Variants in PCDH15 observed in about 807,000 individuals in gnomAD.
PCDH15 encodes the protein protocadherin-15.
A neutral mutation model predicts 178.5 loss-of-function variants in PCDH15; 129 were observed. The ratio of observed to expected loss-of-function variants is 0.72; its 90% CI spans 0.63 to 0.84. PCDH15 has a LOEUF of 0.84. Among genes scored for constraint, PCDH15 ranks in the 40% least tolerant of loss-of-function variants. PCDH15 has a pLI of 0.00. For synonymous variants in PCDH15, 800 were observed against 732.0 expected, an observed-to-expected ratio of 1.09 and a Z score of -1.50; for missense variants, 2,230 against 2,099.9, an observed-to-expected ratio of 1.06 and a Z score of -1.21.
intron 26 of PCDH15, among the ~76,000 whole-genome samples, chr10:53,902,474 T>C (rs974521817): frequency 5.3e-5 from 8 of 152,138 alleles, no homozygotes; most frequent in African/African-American, 1.9e-4. Flanking sequence ...AAGTTAACCA[T>C]TGAAATGCTG....
At chr10:55,404,613 T>G (rs913826050) in intron 2 of PCDH15, among the ~76,000 whole-genome samples, 2 of 151,864 alleles carry the variant, frequency 1.3e-5, no homozygotes, top group Non-Finnish European at 2.9e-5. Flanking sequence ...TCAAAGAAGA[T>G]AGCTGGGGAT....
rs144094496 is a variant in PCDH15 at position 55,286,164 on chromosome 10, G to A, written c.-156+33435C>T. Among the ~76,000 whole-genome samples the A allele has an allele frequency of 7.6e-3, 1,141 of 151,010 alleles. 15 individuals carry two copies. Among genetic ancestry groups the A allele is most frequent in the African/African-American group, 0.026 (1,066 of 41,212 alleles). On this transcript the variant is annotated intron_variant, in intron 1 of 5. Coordinates refer to the PCDH15 transcript ENST00000458638. ...ATTATCCAAACTATAAAGAAAAATC[G>A]GCCTTTTAAAACTTCACTTGCAGGC... is the stretch of plus-strand genomic sequence containing the variant.
chr10:54,094,412 A>G (rs1335174201), intron 15 of PCDH15, among the ~76,000 whole-genome samples: 3 of 152,188 alleles, frequency 2.0e-5, no homozygotes, highest in Admixed American at 2.0e-4. Flanking sequence ...AGACTTACTG[A>G]AAATGTGAAA....
intron 25 of PCDH15, among the ~76,000 whole-genome samples, chr10:53,935,313 G>A (rs1240600958): frequency 6.6e-6 from 1 of 152,098 alleles, no homozygotes; most frequent in Admixed American, 6.5e-5. Context: ...ACTTGGGAAT[G>A]GGTTACTGAT....
intron 2 of PCDH15, among the ~76,000 whole-genome samples, chr10:55,055,382 A>G (rs1841271587): frequency 6.6e-6 from 1 of 152,210 alleles, no homozygotes; most frequent in South Asian, 2.1e-4. Flanking sequence ...ATTAGTCACT[A>G]GACAACTGAG....
At chr10:55,139,909 A>G (rs1838300789) in intron 2 of PCDH15, among the ~76,000 whole-genome samples, 1 of 151,962 alleles carries the variant, frequency 6.6e-6, no homozygotes, top group African/African-American at 2.4e-5. Flanking sequence ...AATCTAAGAC[A>G]TTGTGTCTAT....
chr10:54,994,666 G>T (rs1839591038), intron 2 of PCDH15, among the ~76,000 whole-genome samples: 1 of 152,098 alleles, frequency 6.6e-6, no homozygotes, highest in Non-Finnish European at 1.5e-5. Flanking sequence ...TAAACCAAGT[G>T]TATTTATAAA....
intron 13 of PCDH15, among the ~76,000 whole-genome samples, chr10:54,164,916 A>G (rs2133498627): frequency 6.6e-6 from 1 of 152,256 alleles, no homozygotes; most frequent in East Asian, 1.9e-4. Context: ...GGAGCTGTGT[A>G]AGGTCTACTG....
intron 3 of PCDH15, among the ~76,000 whole-genome samples, chr10:54,892,088 C>G (rs1214113784): frequency 6.6e-6 from 1 of 152,106 alleles, no homozygotes; most frequent in Non-Finnish European, 1.5e-5. Context: ...CATACACCCC[C>G]AGACGCTACT....
At chr10:54,025,222 C>T (rs1044056649) in intron 18 of PCDH15, among the ~76,000 whole-genome samples, 6 of 152,090 alleles carry the variant, frequency 3.9e-5, no homozygotes, top group African/African-American at 1.5e-4. Context: ...TGTTTTTGCT[C>T]CCATAGCAAA....
intron 2 of PCDH15, among the ~76,000 whole-genome samples, chr10:55,461,342 C>T (rs1017142378): frequency 3.3e-5 from 5 of 152,148 alleles, no homozygotes; most frequent in African/African-American, 9.6e-5. Context: ...AAGGTAAATA[C>T]AGTGCCTATT....
At chr10:54,185,862 T>C (rs997411174) in intron 11 of PCDH15, among the ~76,000 whole-genome samples, 13 of 152,070 alleles carry the variant, frequency 8.5e-5, no homozygotes, top group East Asian at 7.7e-4. Flanking sequence ...AATTAAAATA[T>C]TTCAGATAAT....
intron 35 of PCDH15, among the ~76,000 whole-genome samples, chr10:53,814,084 A>T (rs1457709200): frequency 6.6e-6 from 1 of 152,190 alleles, no homozygotes; most frequent in Non-Finnish European, 1.5e-5. Flanking sequence ...AGTACTTTGT[A>T]AAAACGTTTC....
At chr10:54,462,525 T>C (rs1388236554) in intron 3 of PCDH15, among the ~76,000 whole-genome samples, 1 of 133,318 alleles carries the variant, frequency 7.5e-6, no homozygotes, top group Non-Finnish European at 1.6e-5. Context: ...TTTTTTTTTT[T>C]TTTTTTTGAG....
intron 1 of PCDH15, among the ~76,000 whole-genome samples, chr10:55,270,623 T>A (rs770891097): frequency 2.0e-5 from 3 of 149,102 alleles, no homozygotes; most frequent in Non-Finnish European, 4.4e-5. Flanking sequence ...ATGGCTATTG[T>A]TAAAAAAATA....
chr10:54,517,031 G>C (rs1226920789), intron 3 of PCDH15, among the ~76,000 whole-genome samples: 7 of 151,996 alleles, frequency 4.6e-5, no homozygotes, highest in Non-Finnish European at 8.8e-5. Context: ...GTCACCACCA[G>C]GCCTGCCCCA....
chr10:53,841,768 G>A (rs2077661636), intron 28 of PCDH15, among the ~76,000 whole-genome samples: 2 of 152,082 alleles, frequency 1.3e-5, no homozygotes, highest in Admixed American at 1.3e-4. Context: ...AGTAGACTAA[G>A]AAAAGATGAT....
intron 6 of PCDH15, among the ~76,000 whole-genome samples, chr10:54,340,114 GA>G (rs1941954232): frequency 6.6e-6 from 1 of 152,076 alleles, no homozygotes; most frequent in Non-Finnish European, 1.5e-5. Flanking sequence ...AGGACTTTTA[GA>G]AGAAGATATT....
At chr10:55,449,307 A>G (rs1004312055) in intron 2 of PCDH15, among the ~76,000 whole-genome samples, 1 of 152,052 alleles carries the variant, frequency 6.6e-6, no homozygotes, top group Non-Finnish European at 1.5e-5. Flanking sequence ...ACTATTTTGT[A>G]CAATGTTGGT....
Sources: gnomAD v4.1 joint callset for allele counts (sites outside exome capture counted in the v4.1 genomes callset) on GRCh38, gnomAD v4.1.1 for gene constraint, MANE v1.5 for transcripts, NCBI Gene and HGNC (gene_info 2026-07-23, HGNC 2026-07-21) for gene names.